The following NRG2 variants were observed in gnomAD, a reference collection of about 807,000 sequenced individuals.
NRG2 encodes pro-neuregulin-2, membrane-bound isoform.
In NRG2, 27 loss-of-function variants were observed where a neutral mutation model predicts 73.9. The ratio of observed to expected loss-of-function variants is 0.37; its 90% confidence interval spans 0.27 to 0.50. The LOEUF is 0.50. Among genes scored for constraint, NRG2 ranks in the 20% least tolerant of loss-of-function variants. The probability of loss-of-function intolerance (pLI) is 0.96; values close to 1 mark genes in which losing one functional copy is unlikely to be tolerated. For missense variants in NRG2, 1,126 were observed against 1,210.1 expected (o/e 0.93, Z 1.03); for synonymous variants, 532 against 541.0 (o/e 0.98, Z 0.23).
At position 139,853,999 on chromosome 5, in the gene NRG2, A is replaced by C. The variant is rs945593946; in HGVS notation, c.1293-972T>G. Among the ~76,000 whole-genome samples, 1 of 152,360 alleles carries C rather than the reference A, an allele frequency of 6.6e-6. No homozygotes were observed. The highest frequency in any genetic ancestry group is 1.5e-5 in the Non-Finnish European group (1 of 68,028). On this transcript the variant is annotated intron_variant, in intron 6 of 9. Coordinates refer to ENST00000361474, the MANE Select transcript of NRG2 (RefSeq NM_004883.3). This position sits in a 1 kb window ranked among gnomAD's most constrained non-coding sequence, Gnocchi z 4.1. ...GATAAATGCCTGGGGGGATGAATAG[A>C]ATACATGATATGATTATTATGCATT...
chr5:139,874,472 A>G (rs1483191666), intron 3 of NRG2, among the ~76,000 whole-genome samples: 1 of 152,116 alleles, frequency 6.6e-6, no homozygotes, highest in East Asian at 1.9e-4. Context: ...CCCTATAGCC[A>G]TCTGTCACCA....
chr5:139,948,190 T>A (rs1369236987), intron 1 of NRG2, among the ~76,000 whole-genome samples: 1 of 151,678 alleles, frequency 6.6e-6, no homozygotes, highest in African/African-American at 2.4e-5. Context: ...TGTGACTAGA[T>A]AATTTCATTT....
chr5:139,940,389 G>A (rs1362085933), intron 1 of NRG2, among the ~76,000 whole-genome samples: 1 of 152,188 alleles, frequency 6.6e-6, no homozygotes, highest in Non-Finnish European at 1.5e-5. Context: ...CTGACAGAAA[G>A]CAAATCAATT....
At chr5:140,016,638 C>T (rs898743067) in intron 1 of NRG2, among the ~76,000 whole-genome samples, 7 of 152,282 alleles carry the variant, frequency 4.6e-5, no homozygotes, top group East Asian at 3.9e-4. Flanking sequence ...GTTTGAAAGA[C>T]GTGGAAGTGA....
In NRG2 at chr5:140,005,909, C is replaced by T. The variant is rs552109350; in HGVS notation, c.700+36461G>A. Among the ~76,000 whole-genome samples, 8 of 152,318 alleles carry T rather than the reference C, an allele frequency of 5.3e-5. No individual in the cohort carries two copies. In the South Asian group the frequency reaches 1.7e-3, roughly 32 times the overall value. ...CAATAGCTCCTTCTAGCTAACTCCA[C>T]CTCACGTGTGATCCTCTAAGCCTTC... On this transcript the variant is annotated intron_variant, in intron 1 of 9. Transcript: ENST00000361474.
intron 1 of NRG2, among the ~76,000 whole-genome samples, chr5:139,985,143 C>T (rs554479254): frequency 5.3e-5 from 8 of 151,948 alleles, no homozygotes; most frequent in African/African-American, 1.9e-4. Context: ...AGTTTGAGAC[C>T]AGCCTGGCCA....
At chr5:139,935,874 G>A (rs893525617) in intron 1 of NRG2, among the ~76,000 whole-genome samples, 5 of 150,752 alleles carry the variant, frequency 3.3e-5, no homozygotes, top group Admixed American at 6.6e-5. Flanking sequence ...CACAAGAATC[G>A]CTTGAACCTG....
At chr5:140,041,902 C>G (rs955793303) in intron 1 of NRG2, among the ~76,000 whole-genome samples, 2 of 152,102 alleles carry the variant, frequency 1.3e-5, no homozygotes, top group African/African-American at 4.8e-5. Context: ...AACTTGTAAG[C>G]GGAGGCCTTC....
At chr5:139,997,413 G>A (rs527561976) in intron 1 of NRG2, among the ~76,000 whole-genome samples, 10 of 152,312 alleles carry the variant, frequency 6.6e-5, no homozygotes, top group East Asian at 3.9e-4. Context: ...ATAATCTTAC[G>A]AAGACCATTT....
intron 1 of NRG2, among the ~76,000 whole-genome samples, chr5:139,888,018 C>G (rs1763981509): frequency 6.6e-6 from 1 of 152,072 alleles, no homozygotes; most frequent in Admixed American, 6.6e-5. Flanking sequence ...AGAGGCTGTC[C>G]CCATTTTTCT....
At chr5:139,977,009 A>T (rs998730009) in intron 1 of NRG2, among the ~76,000 whole-genome samples, 3 of 152,232 alleles carry the variant, frequency 2.0e-5, no homozygotes, top group Admixed American at 2.0e-4. Flanking sequence ...AACTTGAAGG[A>T]CTAGACTAGG....
At chr5:140,021,976 C>G (rs759634568) in intron 1 of NRG2, among the ~76,000 whole-genome samples, 1 of 152,174 alleles carries the variant, frequency 6.6e-6, no homozygotes, top group Non-Finnish European at 1.5e-5. Flanking sequence ...TTTGCCTGGA[C>G]TTCTAATTCT....
In NRG2 at chr5:139,851,487, T is replaced by C. The variant is rs1761411921; in HGVS notation, c.1772+117A>G. 5.2e-6 allele frequency: 5 copies of C among 970,230 alleles called. No individual in the cohort carries two copies. The highest frequency in any genetic ancestry group is 1.6e-5 in the South Asian group (1 of 63,836). The allele number at this position is 970,230 out of a possible 1,614,324, so 60.1% of individuals were successfully genotyped here. On this transcript the variant is annotated intron_variant, in intron 9 of 9. Transcript: ENST00000361474. This position sits in a 1 kb window ranked among gnomAD's most constrained non-coding sequence, Gnocchi z 4.2. ...TTTTCTAGGACCTTGTTTTCCCATA[T>C]GAAAAATGGAGATGAGGCTCTTTGG...
chr5:139,951,431 C>T (rs139002657), intron 1 of NRG2, among the ~76,000 whole-genome samples: 10 of 152,280 alleles, frequency 6.6e-5, no homozygotes, highest in Non-Finnish European at 1.3e-4. Flanking sequence ...TGGAGGGTGC[C>T]TGCTCACCCC....
At chr5:139,952,081 G>A (rs969506765) in intron 1 of NRG2, among the ~76,000 whole-genome samples, 6 of 152,342 alleles carry the variant, frequency 3.9e-5, no homozygotes, top group Admixed American at 3.3e-4. Context: ...TTCCTTGTGT[G>A]TAAAATAAAG....
intron 1 of NRG2, among the ~76,000 whole-genome samples, chr5:139,932,293 A>G (rs1329310018): frequency 6.6e-6 from 1 of 151,794 alleles, no homozygotes; most frequent in Admixed American, 6.6e-5. Flanking sequence ...AGGCTTTAAA[A>G]AGGAAATTCT....
chr5:139,911,793 G>C (rs1009398956), intron 1 of NRG2, among the ~76,000 whole-genome samples: 7 of 152,172 alleles, frequency 4.6e-5, no homozygotes, highest in African/African-American at 1.7e-4. Context: ...CCTTCTGCCT[G>C]CCCCCCTCAT....
chr5:140,028,060 C>T (rs1300462264), intron 1 of NRG2, among the ~76,000 whole-genome samples: 1 of 152,134 alleles, frequency 6.6e-6, no homozygotes, highest in Admixed American at 6.5e-5. Context: ...GAATCATCTA[C>T]TGTAGATAGA....
At chr5:139,994,551 T>C (rs1045941267) in intron 1 of NRG2, among the ~76,000 whole-genome samples, 1 of 152,246 alleles carries the variant, frequency 6.6e-6, no homozygotes, top group Non-Finnish European at 1.5e-5. Flanking sequence ...GATAAAAAAG[T>C]TCTGAAGATC....
Sources: allele counts gnomAD v4.1 joint callset (sites outside exome capture counted in the v4.1 genomes callset), GRCh38; gene constraint gnomAD v4.1.1; non-coding constraint Gnocchi (gnomAD v3.1); transcripts MANE v1.5; gene names NCBI Gene and HGNC (gene_info 2026-07-23, HGNC 2026-07-21).